The following KCNQ5 variants were observed in gnomAD, a reference collection of about 807,000 sequenced individuals.
KCNQ5 encodes potassium voltage-gated channel subfamily Q member 5, also known as potassium voltage-gated channel subfamily KQT member 5.
A neutral mutation model predicts 98.2 loss-of-function variants in KCNQ5; 30 were observed. That is an observed-to-expected ratio of 0.31 (90% confidence interval 0.23 to 0.41). The LOEUF (loss-of-function observed/expected upper bound fraction) is 0.41, where lower values mean the gene tolerates loss of function less well. Ranked by LOEUF, KCNQ5 falls within the 10% of genes least tolerant of loss-of-function variation. KCNQ5 has a pLI of 1.00. For missense variants in KCNQ5, 835 were observed against 1,182.5 expected (o/e 0.71, Z 4.31); for synonymous variants, 458 against 449.4 (o/e 1.02, Z -0.24).
At chr6:73,010,572 G>T (rs1770020560) in intron 2 of KCNQ5, among the ~76,000 whole-genome samples, 1 of 148,894 alleles carries the variant, frequency 6.7e-6, no homozygotes, top group African/African-American at 2.5e-5. Flanking sequence ...CATCCCAACT[G>T]AAAAAGTAAG....
intron 10 of KCNQ5, among the ~76,000 whole-genome samples, chr6:73,163,075 G>T (rs1039184206): frequency 1.3e-5 from 2 of 152,126 alleles, no homozygotes; most frequent in South Asian, 2.1e-4. Context: ...ATGAATGAAT[G>T]AATACAAATT....
intron 11 of KCNQ5, 39 bp downstream of exon 11, chr6:73,169,893 C>T: frequency 7.9e-7 from 1 of 1,273,742 alleles, no homozygotes; most frequent in Non-Finnish European, 1.1e-6. Flanking sequence ...CAGAGACATA[C>T]TTATGATTAA....
At chr6:72,712,766 G>A (rs1218214836) in intron 1 of KCNQ5, among the ~76,000 whole-genome samples, 1 of 152,062 alleles carries the variant, frequency 6.6e-6, no homozygotes, top group Non-Finnish European at 1.5e-5. Flanking sequence ...ACTTCACTCT[G>A]TACTCCCTTA....
chr6:72,883,666 G>T (rs1778735877), intron 1 of KCNQ5, among the ~76,000 whole-genome samples: 1 of 152,202 alleles, frequency 6.6e-6, no homozygotes. Flanking sequence ...AGGAGCCAGG[G>T]GTGCAGAAGA....
chr6:72,625,987 T>A (rs1207638528), intron 1 of KCNQ5, among the ~76,000 whole-genome samples: 1 of 152,224 alleles, frequency 6.6e-6, no homozygotes, highest in Admixed American at 6.5e-5. Flanking sequence ...TATCATATCA[T>A]CCCCTTGCCT....
intron 1 of KCNQ5, among the ~76,000 whole-genome samples, chr6:72,767,592 G>A (rs925064597): frequency 3.3e-5 from 5 of 152,032 alleles, no homozygotes; most frequent in South Asian, 2.1e-4. Context: ...TTGCATATCC[G>A]ATAAGATTAT....
intron 1 of KCNQ5, among the ~76,000 whole-genome samples, chr6:72,739,310 G>A (rs545315709): frequency 1.3e-5 from 2 of 152,154 alleles, no homozygotes; most frequent in East Asian, 1.9e-4. Context: ...AATCAGCTAC[G>A]TAATTCCATG....
chr6:73,176,338 G>C (rs764963438), intron 11 of KCNQ5, among the ~76,000 whole-genome samples: 1 of 152,138 alleles, frequency 6.6e-6, no homozygotes, highest in Non-Finnish European at 1.5e-5. Context: ...CTTTCTTCCT[G>C]CTGCTCCGGC....
At chr6:72,771,844 G>T (rs1772906160) in intron 1 of KCNQ5, among the ~76,000 whole-genome samples, 1 of 152,002 alleles carries the variant, frequency 6.6e-6, no homozygotes, top group Admixed American at 6.6e-5. Flanking sequence ...TGAAAAGCTA[G>T]GGAGATAGAT....
chr6:72,831,850 T>C (rs1468087474), intron 1 of KCNQ5, among the ~76,000 whole-genome samples: 4 of 151,916 alleles, frequency 2.6e-5, no homozygotes, highest in African/African-American at 9.7e-5. Context: ...AGTGGGGCTT[T>C]AGTGAGGTGT....
intron 1 of KCNQ5, among the ~76,000 whole-genome samples, chr6:72,677,988 T>C (rs1008306450): frequency 6.6e-6 from 1 of 152,206 alleles, no homozygotes. Context: ...CAAGATATTA[T>C]GTTTGGCTTT....
chr6:73,136,337 G>T (rs1236859710), intron 10 of KCNQ5, among the ~76,000 whole-genome samples: 9 of 152,078 alleles, frequency 5.9e-5, no homozygotes, highest in Non-Finnish European at 8.8e-5. Context: ...GTACTGTTTG[G>T]CCAGAGGAAA....
rs2098915518 is a variant in KCNQ5 at position 72,622,230 on chromosome 6, C to T, written c.41C>T (p.Ala14Val). ...GCGGGAGGAGAGGAGGGCGGCGCCGCCGGGCTCTGGGTGAAGAGCGGCGCA... is the reference window on the plus strand; with the variant it reads ...GCGGGAGGAGAGGAGGGCGGCGCCGTCGGGCTCTGGGTGAAGAGCGGCGCA... ...HHAGGEEGGAAGLWVKSGAAA... is the reference protein window; with the variant it reads ...HHAGGEEGGAVGLWVKSGAAA... Residue 14 changes from alanine to valine, a missense_variant, in exon 1 of 14, where the codon GCC (alanine) becomes GTC (valine). Ala to Val is a moderately conservative substitution (Grantham distance 64). Transcript: ENST00000370398. The surrounding 1 kb of genome is among the most constrained non-coding windows in gnomAD (Gnocchi z 6.0). 6 of 1,237,448 alleles carry T rather than the reference C, an allele frequency of 4.8e-6. No homozygotes were observed. Among genetic ancestry groups the T allele is most frequent in the Non-Finnish European group, 6.0e-6 (6 of 992,220 alleles). 76.7% of individuals were successfully genotyped at this position (1,237,448 alleles called of 1,614,324 possible).
At chr6:72,773,634 A>G (rs1773019207) in intron 1 of KCNQ5, among the ~76,000 whole-genome samples, 1 of 152,186 alleles carries the variant, frequency 6.6e-6, no homozygotes, top group Admixed American at 6.5e-5. Flanking sequence ...AATATTATAT[A>G]GATGCTATTC....
At chr6:72,747,603 A>G (rs1280892503) in intron 1 of KCNQ5, among the ~76,000 whole-genome samples, 1 of 152,164 alleles carries the variant, frequency 6.6e-6, no homozygotes, top group Non-Finnish European at 1.5e-5. Flanking sequence ...ATTTTTTATA[A>G]TACTATACCT....
chr6:72,623,115 C>T (rs2098916299), intron 1 of KCNQ5, among the ~76,000 whole-genome samples: 1 of 152,048 alleles, frequency 6.6e-6, no homozygotes, highest in African/African-American at 2.4e-5. Context: ...AGGTTTTAAG[C>T]GCGCCCGGAA....
chr6:73,178,929 A>G (rs1778310907), intron 11 of KCNQ5, among the ~76,000 whole-genome samples: 1 of 152,122 alleles, frequency 6.6e-6, no homozygotes, highest in South Asian at 2.1e-4. Flanking sequence ...TAGTGACCCA[A>G]ATTATCAAGC....
intron 11 of KCNQ5, among the ~76,000 whole-genome samples, chr6:73,177,757 A>G (rs1365627257): frequency 6.6e-6 from 1 of 152,226 alleles, no homozygotes; most frequent in African/African-American, 2.4e-5. Context: ...CAGCCAATCT[A>G]TGACATGTTA....
chr6:72,840,770 G>C (rs1164769821), intron 1 of KCNQ5, among the ~76,000 whole-genome samples: 1 of 152,148 alleles, frequency 6.6e-6, no homozygotes, highest in Non-Finnish European at 1.5e-5. Flanking sequence ...AATAATATAG[G>C]AATGTATGAA....
Sources: allele counts gnomAD v4.1 joint callset (sites outside exome capture counted in the v4.1 genomes callset), GRCh38; gene constraint gnomAD v4.1.1; non-coding constraint Gnocchi (gnomAD v3.1); transcripts MANE v1.5; gene names NCBI Gene and HGNC (gene_info 2026-07-23, HGNC 2026-07-21).